PCDHGC4: variants seen among roughly 807,000 people sequenced by gnomAD.
PCDHGC4 encodes the protein protocadherin gamma-C4.
Under a neutral mutation model 59.7 loss-of-function variants are expected in PCDHGC4, and 15 were observed. The observed-to-expected ratio is 0.25, with a 90% CI of 0.17 to 0.39. The LOEUF (loss-of-function observed/expected upper bound fraction) is 0.39. PCDHGC4 is among the 10% of genes least tolerant of loss of function. The probability of loss-of-function intolerance (pLI) is 1.00; values close to 1 mark genes in which losing one functional copy is unlikely to be tolerated. For synonymous variants in PCDHGC4, 434 were observed against 481.4 expected (o/e 0.90, Z 1.29); for missense variants, 1,016 against 1,189.5 (o/e 0.85, Z 2.15).
intron 3 of PCDHGC4, 46 bp from the exon 4 acceptor site, chr5:141,510,901 A>G: frequency 1.9e-6 from 3 of 1,613,412 alleles, no homozygotes; most frequent in African/African-American, 2.7e-5. Flanking sequence ...GTGACTGTTG[A>G]GGACCCTAAG....
Position 141,485,713 on chromosome 5 carries a change from G to T in PCDHGC4, c.540G>T (p.Leu180=). Residue 180 remains leucine (L), a synonymous_variant, in exon 1 of 4, where the codon CTG becomes CTT. Transcript: ENST00000306593. The surrounding 1 kb of genome is among the most constrained non-coding windows in gnomAD (Gnocchi z 5.7). ...TGAGCTCCAATGAACACTTTGCACT[G>T]GATGTGAAGAAGCGCAGCGACGGCA... ...YRLSSNEHFA[L]DVKKRSDGSL... 1 of 1,614,202 alleles carries T rather than the reference G, an allele frequency of 6.2e-7. No individual in the cohort carries two copies. The highest frequency in any genetic ancestry group is 8.5e-7 in the Non-Finnish European group (1 of 1,180,038).
At chr5:141,505,913 T>C (rs1457583355) in intron 3 of PCDHGC4, among the ~76,000 whole-genome samples, 1 of 152,098 alleles carries the variant, frequency 6.6e-6, no homozygotes, top group African/African-American at 2.4e-5. Context: ...AAGCATAGAG[T>C]TCTGGGCCTG....
chr5:141,505,283 G>A, intron 2 of PCDHGC4, 110 bp from the exon 3 acceptor site: 5 of 1,547,446 alleles, frequency 3.2e-6, no homozygotes, highest in Non-Finnish European at 3.5e-6. Flanking sequence ...ACAGGTCTTG[G>A]GCATGGGGTA....
At position 141,511,456 on chromosome 5, in the gene PCDHGC4, C is replaced by A. The variant is rs900802210; in HGVS notation, c.*283C>A. ...TACTGTAGACACCAAGAACCATTTG[C>A]CACACCCCGTTTAGTTACAGCTGAA... On this transcript the variant is annotated 3_prime_UTR_variant, in exon 4 of 4. Transcript: ENST00000306593. 3.4e-6 allele frequency: 2 copies of A among 585,210 alleles called. No homozygotes were observed. The highest frequency in any genetic ancestry group is 5.7e-6 in the Non-Finnish European group (2 of 351,786). 36.3% of individuals were successfully genotyped at this position (585,210 alleles called of 1,614,324 possible).
chr5:141,489,290 G>A lies in PCDHGC4; in HGVS notation c.2442+1675G>A. 6.3e-7 allele frequency: 1 copy of A among 1,577,514 alleles called. No individual in the cohort carries two copies. The highest frequency in any genetic ancestry group is 8.6e-7 in the Non-Finnish European group (1 of 1,162,002). ...CTCGCTGGGAAATGGCAAGTGCTGT[G>A]CATGTTGTCCTTGTGCTGCTGGGGC... On this transcript the variant is annotated intron_variant, in intron 1 of 3. Transcript: ENST00000306593. This position sits in a 1 kb window ranked among gnomAD's most constrained non-coding sequence, Gnocchi z 4.5.
intron 3 of PCDHGC4, among the ~76,000 whole-genome samples, chr5:141,510,468 A>G (rs1246106107): frequency 2.0e-5 from 3 of 152,152 alleles, no homozygotes; most frequent in Admixed American, 2.0e-4. Flanking sequence ...TGTGGGAGTC[A>G]GAGGCTCCCT....
chr5:141,491,291 C>T lies in PCDHGC4; in HGVS notation c.2443-3516C>T. 1 of 1,614,152 alleles carries T rather than the reference C, an allele frequency of 6.2e-7. No homozygotes were observed. The highest frequency in any genetic ancestry group is 8.5e-7 in the Non-Finnish European group (1 of 1,179,974). On this transcript the variant is annotated intron_variant, in intron 1 of 3. Coordinates refer to ENST00000306593, the MANE Select transcript of PCDHGC4 (RefSeq NM_018928.3). This position sits in a 1 kb window ranked among gnomAD's most constrained non-coding sequence, Gnocchi z 6.9. The stretch of plus-strand genomic sequence containing the variant: ...AAATCCAGTGACTTCCTCATACACC[C>T]TCCTGAGCGTTCAGACCTTACCCTT...
At chr5:141,500,223 T>G (rs1034982746) in intron 2 of PCDHGC4, among the ~76,000 whole-genome samples, 16 of 145,318 alleles carry the variant, frequency 1.1e-4, no homozygotes, top group African/African-American at 3.4e-4. Context: ...TTTATTTATT[T>G]ATTGATACGT....
Position 141,490,644 on chromosome 5 carries a change from T to G in PCDHGC4, c.2442+3029T>G, listed in dbSNP as rs772742713. 1 of 1,614,188 alleles carries G rather than the reference T, an allele frequency of 6.2e-7. No individual in the cohort carries two copies. Among genetic ancestry groups the G allele is most frequent in the Non-Finnish European group, 8.5e-7 (1 of 1,180,016 alleles). The stretch of plus-strand genomic sequence containing the variant: ...CTGCTTACATCCTAGAAAACCGGCC[T>G]CCGGGCTCCCTTCTTTGCACTGTGG... On this transcript the variant is annotated intron_variant, in intron 1 of 3. Transcript: ENST00000306593. The surrounding 1 kb of genome is among the most constrained non-coding windows in gnomAD (Gnocchi z 5.4).
chr5:141,510,893 G>C (rs1334514746), intron 3 of PCDHGC4, 54 bp from the exon 4 acceptor site: 1 of 1,612,722 alleles, frequency 6.2e-7, no homozygotes, highest in African/African-American at 1.3e-5. Context: ...ATAAGACAGT[G>C]ACTGTTGAGG....
chr5:141,498,971 G>GGGAAGGAAGGAAGGAAGGAA (rs201769957), intron 2 of PCDHGC4, among the ~76,000 whole-genome samples: 36 of 111,052 alleles, frequency 3.2e-4, no homozygotes, highest in African/African-American at 9.0e-4. Context: ...GAGGGAGGGA[G>GGGAAGGAAGGAAGGAAGGAA]GGAAGGAAGG....
intron 1 of PCDHGC4, among the ~76,000 whole-genome samples, chr5:141,488,394 A>C (rs2099674951): frequency 1.3e-5 from 2 of 152,232 alleles, no homozygotes. Flanking sequence ...TGGTGAAACC[A>C]TGAAACCTAG....
rs2233610 is a variant in PCDHGC4, at chr5:141,505,535, G to A, written c.2590+54G>A. ...AGTGGGAGACCTGGGGTTCTGGGGT[G>A]CATCTCACAGCCACCATGCCCACGG... is the stretch of plus-strand genomic sequence containing the variant. On this transcript the variant is annotated intron_variant, in intron 3 of 3. Transcript: ENST00000306593. 12 of 1,610,344 alleles carry A rather than the reference G, an allele frequency of 7.5e-6. No individual in the cohort carries two copies. The East Asian group carries it at 1.8e-4, about 24-fold the overall frequency.
chr5:141,485,546 G>C lies in PCDHGC4; in HGVS notation c.373G>C (p.Asp125His). The C allele has an allele frequency of 6.2e-7, 1 of 1,614,074 alleles. No individual in the cohort carries two copies. ...EMYRAEVEIV[D>H]VNDHAPRFPR... ...GTACCGAGCAGAGGTAGAGATCGTA[G>C]ATGTGAATGATCACGCCCCCCGTTT... is the stretch of plus-strand genomic sequence containing the variant. The change falls in exon 1 of 4, where the codon GAT becomes CAT. Residue 125 changes from aspartate to histidine, a missense_variant. Coordinates refer to ENST00000306593, the MANE Select transcript of PCDHGC4 (RefSeq NM_018928.3). The surrounding 1 kb of genome is among the most constrained non-coding windows in gnomAD (Gnocchi z 5.7).
intron 2 of PCDHGC4, 141 bp downstream of exon 2, chr5:141,495,006 G>A (rs1030195663): frequency 1.3e-6 from 2 of 1,521,564 alleles, no homozygotes; most frequent in Non-Finnish European, 1.8e-6. Flanking sequence ...CTTGGTGTGC[G>A]GGGGGCTGGC....
Position 141,486,799 on chromosome 5 carries a change from C to A in PCDHGC4, c.1626C>A (p.Asn542Lys). The A allele has an allele frequency of 6.2e-7, 1 of 1,614,220 alleles. No individual in the cohort carries two copies. Among genetic ancestry groups the A allele is most frequent in the African/African-American group, 1.3e-5 (1 of 75,060 alleles). ...QFEVQARDRG[N>K]PPLSSTVTVR... ...AGGTGCAGGCCCGGGATCGGGGCAA[C>A]CCACCCCTTAGCAGCACTGTAACAG... The change falls in exon 1 of 4, where the codon AAC becomes AAA. Residue 542 changes from asparagine to lysine, a missense_variant. Asn to Lys is a moderately conservative substitution (Grantham distance 94). Coordinates refer to ENST00000306593, the MANE Select transcript of PCDHGC4 (RefSeq NM_018928.3). This position sits in a 1 kb window ranked among gnomAD's most constrained non-coding sequence, Gnocchi z 5.0.
rs1275819200 is a variant in PCDHGC4, at chr5:141,491,620, A to G, written c.2443-3187A>G. 5 of 1,613,788 alleles carry G rather than the reference A, an allele frequency of 3.1e-6. No individual in the cohort carries two copies. Among genetic ancestry groups the G allele is most frequent in the Non-Finnish European group, 4.2e-6 (5 of 1,180,014 alleles). On this transcript the variant is annotated intron_variant, in intron 1 of 3. Coordinates refer to ENST00000306593, the MANE Select transcript of PCDHGC4 (RefSeq NM_018928.3). The surrounding 1 kb of genome is among the most constrained non-coding windows in gnomAD (Gnocchi z 6.9). ...TGACTTCACTTTTCTAAGACCCCTC[A>G]GCGTTCAGCAGCCCACAGCTCTGGC...
Position 141,486,589 on chromosome 5 carries a change from C to T in PCDHGC4, c.1416C>T (p.Asp472=). Residue 472 remains aspartate, a synonymous_variant, in exon 1 of 4, where the codon GAC becomes GAT. Transcript: ENST00000306593. The surrounding 1 kb of genome is among the most constrained non-coding windows in gnomAD (Gnocchi z 5.0). ...VFVPENNRPG[D]LLCSLAASDP... ...TTCCTGAGAACAATCGCCCAGGGGA[C>T]CTGCTTTGCTCCCTTGCAGCCTCTG... 1 of 1,613,676 alleles carries T rather than the reference C, an allele frequency of 6.2e-7. No individual in the cohort carries two copies. Among genetic ancestry groups the T allele is most frequent in the African/African-American group, 1.3e-5 (1 of 75,064 alleles).
chr5:141,507,553 C>T (rs1382652977), intron 3 of PCDHGC4, among the ~76,000 whole-genome samples: 4 of 152,192 alleles, frequency 2.6e-5, no homozygotes, highest in Admixed American at 2.0e-4. Flanking sequence ...ATGAAAGTGG[C>T]AGGCGGCTGG....
Sources: allele counts gnomAD v4.1 joint callset (sites outside exome capture counted in the v4.1 genomes callset), GRCh38; gene constraint gnomAD v4.1.1; non-coding constraint Gnocchi (gnomAD v3.1); transcripts MANE v1.5; gene names NCBI Gene and HGNC (gene_info 2026-07-23, HGNC 2026-07-21).